The following TMPRSS9 variants were observed in gnomAD, a reference collection of about 807,000 sequenced individuals.
The protein encoded by TMPRSS9 is transmembrane serine protease 9, also known as transmembrane protease serine 9.
In TMPRSS9, 113 loss-of-function variants were observed where a neutral mutation model predicts 111.4. The ratio of observed to expected loss-of-function variants is 1.01; its 90% CI spans 0.87 to 1.19. TMPRSS9 has a LOEUF of 1.19. Ranked by LOEUF, TMPRSS9 falls within the 50% of genes most tolerant of loss-of-function variation. The probability of loss-of-function intolerance (pLI) is 0.00; values close to 1 mark genes in which losing one functional copy is unlikely to be tolerated. For missense variants in TMPRSS9, 1,803 were observed against 1,513.1 expected (o/e 1.19, Z -3.18); for synonymous variants, 805 against 659.1 (o/e 1.22, Z -3.39).
At chr19:2,411,037 C>T (rs62120754) in intron 9 of TMPRSS9, among the ~76,000 whole-genome samples, 14,090 of 151,916 alleles carry the variant, frequency 0.093, 940 homozygotes, top group East Asian at 0.26. Flanking sequence ...CGGTGGCTCA[C>T]GCCTGTAATC....
At chr19:2,390,062 T>A in intron 1 of TMPRSS9, 135 bp downstream of exon 2, 1 of 1,175,796 alleles carries the variant, frequency 8.5e-7, no homozygotes, top group Non-Finnish European at 1.2e-6. Context: ...AAGGCTGCCC[T>A]AGGCCAGGCG....
intron 9 of TMPRSS9, among the ~76,000 whole-genome samples, chr19:2,413,144 G>A (rs747299231): frequency 4.6e-5 from 7 of 152,044 alleles, no homozygotes; most frequent in East Asian, 1.9e-4. Context: ...GCAGTGAGCC[G>A]AGATCACGCC....
intron 8 of TMPRSS9, among the ~76,000 whole-genome samples, chr19:2,409,589 A>C (rs1971052785): frequency 6.6e-6 from 1 of 152,140 alleles, no homozygotes; most frequent in African/African-American, 2.4e-5. Flanking sequence ...GAGAAAAATA[A>C]GGTGGGGGTG....
intron 6 of TMPRSS9, among the ~76,000 whole-genome samples, chr19:2,404,836 G>A (rs577355802): frequency 1.3e-5 from 2 of 151,126 alleles, no homozygotes; most frequent in East Asian, 3.9e-4. Flanking sequence ...GGAGGCTGAG[G>A]TAGGAGAATC....
chr19:2,399,226 C>T (rs1309943138), intron 4 of TMPRSS9, 33 bp downstream of exon 5: 24 of 1,546,882 alleles, frequency 1.6e-5, no homozygotes, highest in Non-Finnish European at 2.0e-5. Context: ...AACCCCATCA[C>T]GAGGAGGCTG....
At chr19:2,414,014 A>G in exon 10 of TMPRSS9, 3 of 1,576,494 alleles carry the variant, frequency 1.9e-6, no homozygotes, top group South Asian at 1.1e-5. Flanking sequence ...TTCCTAAGCT[A>G]CAAGGTATTT....
exon 17 of TMPRSS9, chr19:2,425,453 T>C: frequency 6.3e-7 from 1 of 1,592,396 alleles, no homozygotes; most frequent in Admixed American, 1.7e-5. Context: ...AGCCGCATGC[T>C]GTGTGCCGGC....
chr19:2,380,209 A>G (rs1970375544), intron 1 of TMPRSS9, among the ~76,000 whole-genome samples: 1 of 152,060 alleles, frequency 6.6e-6, no homozygotes, highest in African/African-American at 2.4e-5. Flanking sequence ...ATTTGAGCCC[A>G]AGAAATCGAG....
intron 1 of TMPRSS9, among the ~76,000 whole-genome samples, chr19:2,373,026 G>A (rs549851206): frequency 6.6e-6 from 1 of 151,818 alleles, no homozygotes; most frequent in Admixed American, 6.6e-5. Context: ...GGAGATGGGG[G>A]TCTCGCCATG....
At chr19:2,390,717 C>T (rs1970571326) in intron 1 of TMPRSS9, among the ~76,000 whole-genome samples, 1 of 151,444 alleles carries the variant, frequency 6.6e-6, no homozygotes, top group Non-Finnish European at 1.5e-5. Flanking sequence ...ATTACCCAGG[C>T]GTGGTGGCAC....
At chr19:2,376,461 CT>C (rs113897533) in intron 1 of TMPRSS9, among the ~76,000 whole-genome samples, 1 of 149,784 alleles carries the variant, frequency 6.7e-6, no homozygotes, top group Admixed American at 6.7e-5. Flanking sequence ...GATGTCATTT[CT>C]TTTTTTTTTC....
exon 18 of TMPRSS9, chr19:2,426,152 C>T (rs1971624812): frequency 7.3e-7 from 1 of 1,374,854 alleles, no homozygotes; most frequent in Non-Finnish European, 9.4e-7. Context: ...GGCCACCCAA[C>T]ACCCCACCCC....
exon 1 of TMPRSS9, chr19:2,389,905 C>T (rs555482386): frequency 6.2e-7 from 1 of 1,612,584 alleles, no homozygotes; most frequent in Non-Finnish European, 8.5e-7. Context: ...GCCTTGTCGT[C>T]CTCACCCTGG....
At chr19:2,379,771 C>G (rs1970372137) in intron 1 of TMPRSS9, among the ~76,000 whole-genome samples, 1 of 133,616 alleles carries the variant, frequency 7.5e-6, no homozygotes, top group Admixed American at 7.2e-5. Context: ...TTCTCTCTTT[C>G]TTTCTCTCTT....
intron 2 of TMPRSS9, among the ~76,000 whole-genome samples, chr19:2,398,531 T>A (rs1970756700): frequency 6.6e-6 from 1 of 152,004 alleles, no homozygotes; most frequent in Non-Finnish European, 1.5e-5. Flanking sequence ...GGCAGCAGAA[T>A]CGCTTGAACC....
intron 1 of TMPRSS9, among the ~76,000 whole-genome samples, chr19:2,394,488 C>G (rs1005137573): frequency 2.0e-5 from 3 of 152,150 alleles, no homozygotes; most frequent in African/African-American, 7.2e-5. Context: ...GGGAGGCGTT[C>G]TGAACTATTT....
chr19:2,403,034 C>T, intron 5 of TMPRSS9, 48 bp from the exon 7 acceptor site: 1 of 1,447,664 alleles, frequency 6.9e-7, no homozygotes, highest in Non-Finnish European at 9.6e-7. Context: ...TTACTCCAAC[C>T]AGGAGATGTA....
At chr19:2,404,305 AAAAT>A (rs1290623084) in intron 6 of TMPRSS9, among the ~76,000 whole-genome samples, 3 of 147,312 alleles carry the variant, frequency 2.0e-5, no homozygotes, top group African/African-American at 5.4e-5. Context: ...TTGTCTGTCT[AAAAT>A]AAATCAATAT....
chr19:2,385,016 G>A (rs966303930), upstream of TMPRSS9, among the ~76,000 whole-genome samples: 4 of 150,496 alleles, frequency 2.7e-5, no homozygotes, highest in Non-Finnish European at 5.9e-5. Context: ...GCCCAGGCGC[G>A]GTGGCCTACA....
Sources: gnomAD v4.1 joint callset for allele counts (sites outside exome capture counted in the v4.1 genomes callset) on GRCh38, gnomAD v4.1.1 for gene constraint, MANE v1.5 for transcripts, NCBI Gene and HGNC (gene_info 2026-07-23, HGNC 2026-07-21) for gene names.